ERBB3: variants seen among roughly 807,000 people sequenced by gnomAD.
ERBB3 encodes erb-b2 receptor tyrosine kinase 3.
A neutral mutation model predicts 156.7 loss-of-function variants in ERBB3; 96 were observed. That is an observed-to-expected ratio of 0.61 (90% confidence interval 0.52 to 0.73). The LOEUF (loss-of-function observed/expected upper bound fraction) is 0.73. ERBB3 is among the 30% of genes least tolerant of loss of function. ERBB3 has a pLI of 0.00. For synonymous variants in ERBB3, 567 were observed against 632.0 expected (o/e 0.90, Z 1.54); for missense variants, 1,406 against 1,709.4 (o/e 0.82, Z 3.13).
chr12:56,094,706 C>G (rs1868835100), intron 15 of ERBB3, 150 bp downstream of exon 15: 1 of 932,586 alleles, frequency 1.1e-6, no homozygotes, highest in Non-Finnish European at 1.6e-6. Flanking sequence ...AATCCCAGCA[C>G]TGTGGGAGGC....
intron 3 of ERBB3, 165 bp downstream of exon 3, chr12:56,085,346 C>A (rs559937373): frequency 1.3e-4 from 196 of 1,482,820 alleles, no homozygotes; most frequent in Admixed American, 1.8e-4. Context: ...AGAGGGCCCC[C>A]AGTAGGGGGA....
At chr12:56,080,403 G>T (rs1289604768) in intron 1 of ERBB3, 21 bp downstream of exon 1, 1 of 1,560,008 alleles carries the variant, frequency 6.4e-7, no homozygotes, top group Non-Finnish European at 8.7e-7. Flanking sequence ...CGAGAGCACC[G>T]GCGGGCTCGG....
intron 19 of ERBB3, 80 bp from the exon 20 acceptor site, chr12:56,096,965 G>C: frequency 6.8e-7 from 1 of 1,466,412 alleles, no homozygotes; most frequent in East Asian, 2.3e-5. Flanking sequence ...TTGGGGGTGG[G>C]GGGGCCTGGG....
intron 9 of ERBB3, chr12:56,089,210 T>G: frequency 2.2e-6 from 1 of 453,756 alleles, no homozygotes; most frequent in Non-Finnish European, 4.4e-6. Flanking sequence ...CTCGACTCAC[T>G]GTAGCCTCGA....
chr12:56,087,461 C>T (rs926420119), intron 4 of ERBB3, 116 bp from the exon 5 acceptor site: 1 of 914,900 alleles, frequency 1.1e-6, no homozygotes, highest in Non-Finnish European at 1.8e-6. Context: ...GGGACACAGC[C>T]CTGGCTTTTT....
rs779637486 is a variant in ERBB3 at position 56,093,740 on chromosome 12, C to T, written c.1481-24C>T. The T allele has an allele frequency of 5.6e-6, 9 of 1,613,798 alleles. No homozygotes were observed. In the South Asian group the frequency reaches 8.8e-5, roughly 16 times the overall value. Reference sequence around the variant, plus strand: ...TTGCTGGGAGTCCTCAGACTCCTCTCCTAACCCACCCCTTCCTTTCCAGTG... The same window carrying T: ...TTGCTGGGAGTCCTCAGACTCCTCTTCTAACCCACCCCTTCCTTTCCAGTG... On this transcript the variant is annotated intron_variant, in intron 12 of 27. Transcript: ENST00000267101.
intron 23 of ERBB3, among the ~76,000 whole-genome samples, chr12:56,099,439 C>T (rs775649450): frequency 6.6e-6 from 1 of 150,922 alleles, no homozygotes; most frequent in African/African-American, 2.4e-5. Flanking sequence ...GGACTTTAGG[C>T]GTGCACCACC....
Position 56,096,853 on chromosome 12 carries a change from G to C in ERBB3, c.2274+7G>C. 6.2e-7 allele frequency: 1 copy of C among 1,600,896 alleles called. No homozygotes were observed. The highest frequency in any genetic ancestry group is 1.3e-5 in the African/African-American group (1 of 74,704). On this transcript the variant is annotated splice_region_variant and intron_variant, in intron 19 of 27. Coordinates refer to ENST00000267101, the MANE Select transcript of ERBB3 (RefSeq NM_001982.4). ...TTTTCAAGCTGTGACAGATGTAAGT[G>C]AAGGAAATTCTGTATGCCGCTAGGA...
At chr12:56,088,722 C>G (rs1868568353) in intron 8 of ERBB3, 26 bp from the exon 9 acceptor site, 1 of 1,614,014 alleles carries the variant, frequency 6.2e-7, no homozygotes, top group African/African-American at 1.3e-5. Flanking sequence ...CAGACCACCC[C>G]CACTGAACCT....
chr12:56,093,843 T>C lies in ERBB3; in HGVS notation c.1560T>C (p.Cys520=). 2 of 1,613,664 alleles carry C rather than the reference T, an allele frequency of 1.2e-6. No individual in the cohort carries two copies. The highest frequency in any genetic ancestry group is 1.1e-5 in the South Asian group (1 of 91,060). ...WGPGPGQCLS[C]RNYSRGGVCV... is the part of the protein sequence containing the mutation. Reference sequence around the variant, plus strand: ...CAGGCCCTGGTCAGTGCTTGTCCTGTCGAAATTATAGCCGAGGAGGTGTCT... The same window carrying C: ...CAGGCCCTGGTCAGTGCTTGTCCTGCCGAAATTATAGCCGAGGAGGTGTCT... Residue 520 remains cysteine (C), a synonymous_variant, in exon 13 of 28, where the codon TGT becomes TGC. Coordinates refer to ENST00000267101, the MANE Select transcript of ERBB3 (RefSeq NM_001982.4).
Position 56,096,506 on chromosome 12 carries a change from A to T in ERBB3, c.2059A>T (p.Ile687Leu). ...MRRYLERGES[I>L]EPLDPSEKAN... is the part of the protein sequence containing the mutation. Reference sequence around the variant, plus strand: ...CTCCTTCCCATTTGCTCCTCAGAGCATAGAGCCTCTGGACCCCAGTGAGAA... The same window carrying T: ...CTCCTTCCCATTTGCTCCTCAGAGCTTAGAGCCTCTGGACCCCAGTGAGAA... The change falls in exon 18 of 28, where the codon ATA becomes TTA. Residue 687 changes from isoleucine (I) to leucine (L), a missense_variant. Physicochemically the swap from Ile to Leu is conservative, Grantham distance 5 (BLOSUM62 2). This residue lies in a region of ERBB3 where 979 missense variants were observed against 1,219.6 expected (regional missense o/e 0.80). Coordinates refer to ENST00000267101, the MANE Select transcript of ERBB3 (RefSeq NM_001982.4). The T allele has an allele frequency of 1.2e-6, 2 of 1,614,078 alleles. No homozygotes were observed. The highest frequency in any genetic ancestry group is 2.2e-5 in the South Asian group (2 of 91,064).
intron 16 of ERBB3, 160 bp downstream of exon 16, chr12:56,095,470 T>G: frequency 1.1e-6 from 1 of 890,834 alleles, no homozygotes. Context: ...GCTTCTGGAC[T>G]TCCCTTCCTA....
Position 56,094,201 on chromosome 12 carries a change from G to A in ERBB3, c.1704+12G>A, listed in dbSNP as rs1199827587. On this transcript the variant is annotated intron_variant, in intron 14 of 27. Coordinates refer to ENST00000267101, the MANE Select transcript of ERBB3 (RefSeq NM_001982.4). ...CATGCAATGGCTCGGTATACTAGTAGCACCAGGATCTCCAAGGGAGACAGA... is the reference window on the plus strand; with the variant it reads ...CATGCAATGGCTCGGTATACTAGTAACACCAGGATCTCCAAGGGAGACAGA... 4 of 1,606,476 alleles carry A rather than the reference G, an allele frequency of 2.5e-6. No individual in the cohort carries two copies. The highest frequency in any genetic ancestry group is 2.6e-6 in the Non-Finnish European group (3 of 1,173,036).
chr12:56,082,127 A>G (rs1207174258), intron 1 of ERBB3, among the ~76,000 whole-genome samples: 1 of 152,156 alleles, frequency 6.6e-6, no homozygotes, highest in African/African-American at 2.4e-5. Flanking sequence ...ACTTATGGGC[A>G]CGTGGGATAG....
chr12:56,098,556 G>C lies in ERBB3; in HGVS notation c.2673G>C (p.Gln891His). 2 of 1,613,658 alleles carry C rather than the reference G, an allele frequency of 1.2e-6. No individual in the cohort carries two copies. The change falls in exon 22 of 28, where the codon CAG becomes CAC. Residue 891 changes from glutamine to histidine, a missense_variant. This residue lies in a region of ERBB3 where 979 missense variants were observed against 1,219.6 expected (regional missense o/e 0.80). Transcript: ENST00000267101. ...ESIHFGKYTH[Q>H]SDVWSYGVTV... Reference sequence around the variant, plus strand: ...TCCACTTTGGGAAATACACACACCAGAGTGATGTCTGGAGCTATGGTCAGT... The same window carrying C: ...TCCACTTTGGGAAATACACACACCACAGTGATGTCTGGAGCTATGGTCAGT...
chr12:56,100,150 C>T, intron 25 of ERBB3, 24 bp from the exon 26 acceptor site: 1 of 1,609,794 alleles, frequency 6.2e-7, no homozygotes, highest in South Asian at 1.1e-5. Flanking sequence ...TCATCTTAAC[C>T]TTTTCCTTAT....
intron 11 of ERBB3, 119 bp downstream of exon 11, chr12:56,093,195 C>T: frequency 8.6e-7 from 1 of 1,157,688 alleles, no homozygotes; most frequent in Non-Finnish European, 1.3e-6. Flanking sequence ...CAAAGGGTTT[C>T]AGAGTTTCAC....
rs760334728 is a variant in ERBB3, at chr12:56,093,011, G to T, written c.1209G>T (p.Pro403=). Residue 403 remains proline, a synonymous_variant, in exon 11 of 28, where the codon CCG becomes CCT. Transcript: ENST00000267101. The part of the protein sequence containing the change: ...ITGYLNIQSW[P]PHMHNFSVFS... ...GTTACCTGAACATCCAGTCCTGGCC[G>T]CCCCACATGCACAACTTCAGTGTTT... 1 of 1,614,090 alleles carries T rather than the reference G, an allele frequency of 6.2e-7. No homozygotes were observed. Among genetic ancestry groups the T allele is most frequent in the Non-Finnish European group, 8.5e-7 (1 of 1,179,974 alleles).
At chr12:56,095,021 C>T (rs1868845589) in intron 15 of ERBB3, among the ~76,000 whole-genome samples, 1 of 151,786 alleles carries the variant, frequency 6.6e-6, no homozygotes, top group Non-Finnish European at 1.5e-5. Context: ...AGTAACAGCA[C>T]AAAATTACAC....
Sources: allele counts gnomAD v4.1 joint callset (sites outside exome capture counted in the v4.1 genomes callset), GRCh38; gene constraint gnomAD v4.1.1; regional missense constraint gnomAD v4.1.1; transcripts MANE v1.5; gene names NCBI Gene and HGNC (gene_info 2026-07-23, HGNC 2026-07-21).